Variants in CADM2 observed in about 807,000 individuals in gnomAD.
CADM2 encodes the protein immunoglobulin superfamily member 4D.
CADM2 carries 12 observed loss-of-function variants against 49.8 expected under a neutral mutation model. The observed-to-expected ratio is 0.24, with a 90% CI of 0.15 to 0.39. The LOEUF is 0.39. Ranked by LOEUF, CADM2 falls within the 10% of genes least tolerant of loss-of-function variation. The pLI is 1.00. For synonymous variants in CADM2, 214 were observed against 175.4 expected (o/e 1.22, Z -1.74); for missense variants, 378 against 492.3 (o/e 0.77, Z 2.20).
intron 1 of CADM2, among the ~76,000 whole-genome samples, chr3:85,147,702 A>G (rs1215023521): frequency 2.0e-5 from 3 of 152,122 alleles, no homozygotes; most frequent in Non-Finnish European, 4.4e-5. Flanking sequence ...ATAAAGAATT[A>G]ATATCTATCT....
At chr3:85,287,611 AT>A (rs1395292028) in intron 1 of CADM2, among the ~76,000 whole-genome samples, 2 of 152,060 alleles carry the variant, frequency 1.3e-5, no homozygotes, top group Non-Finnish European at 2.9e-5. Flanking sequence ...CATTATTCTG[AT>A]TGTTTACTAC....
At chr3:84,985,691 T>C (rs961960575) in intron 1 of CADM2, among the ~76,000 whole-genome samples, 1 of 152,188 alleles carries the variant, frequency 6.6e-6, no homozygotes, top group African/African-American at 2.4e-5. Context: ...TTATCCTCAA[T>C]GTCACTAAAA....
intron 8 of CADM2, chr3:86,013,873 C>T (rs533300412): frequency 9.4e-6 from 15 of 1,595,168 alleles, no homozygotes; most frequent in Middle Eastern, 2.3e-4. Flanking sequence ...GTTGTTGCTT[C>T]TAGACTTTTA....
intron 1 of CADM2, among the ~76,000 whole-genome samples, chr3:85,575,375 C>A (rs1238950604): frequency 2.0e-5 from 3 of 152,028 alleles, no homozygotes; most frequent in African/African-American, 4.8e-5. Flanking sequence ...CATGGTGAAA[C>A]CCCATCTCTA....
intron 1 of CADM2, among the ~76,000 whole-genome samples, chr3:85,674,976 G>C (rs1166118022): frequency 6.6e-6 from 1 of 152,094 alleles, no homozygotes; most frequent in East Asian, 1.9e-4. Context: ...GTTTTGCACT[G>C]AGTATAGAAA....
At chr3:85,593,514 C>A (rs1356826941) in intron 1 of CADM2, among the ~76,000 whole-genome samples, 1 of 151,928 alleles carries the variant, frequency 6.6e-6, no homozygotes, top group African/African-American at 2.4e-5. Flanking sequence ...CGTCATAGAG[C>A]ATTTGTTTCC....
intron 2 of CADM2, among the ~76,000 whole-genome samples, chr3:85,779,425 G>A (rs1180987655): frequency 1.3e-5 from 2 of 152,122 alleles, no homozygotes; most frequent in African/African-American, 4.8e-5. Context: ...AAAGGAAAGA[G>A]GTTTAATTGA....
At chr3:85,062,029 GTCTCTCTGTCTC>G (rs1553677320) in intron 1 of CADM2, among the ~76,000 whole-genome samples, 178 of 151,280 alleles carry the variant, frequency 1.2e-3, no homozygotes, top group Middle Eastern at 3.4e-3. Flanking sequence ...CTCTGTCTCT[GTCTCTCTGTCTC>G]TCTCTCTGTC....
intron 7 of CADM2, among the ~76,000 whole-genome samples, chr3:85,958,254 C>T: frequency 6.6e-6 from 1 of 152,016 alleles, no homozygotes. Context: ...GAGGTACCAT[C>T]TCACACCAGT....
At chr3:85,853,428 A>G (rs1188780804) in intron 3 of CADM2, among the ~76,000 whole-genome samples, 1 of 152,092 alleles carries the variant, frequency 6.6e-6, no homozygotes, top group Non-Finnish European at 1.5e-5. Flanking sequence ...ATCCAAAATT[A>G]TAGGCGATTA....
At chr3:85,544,738 G>A (rs2061625985) in intron 1 of CADM2, among the ~76,000 whole-genome samples, 1 of 152,042 alleles carries the variant, frequency 6.6e-6, no homozygotes, top group East Asian at 1.9e-4. Context: ...CCTAGATTGG[G>A]CATAATTGAC....
Position 85,371,959 on chromosome 3 carries a change from A to T in CADM2, c.62-354563A>T, listed in dbSNP as rs2033271084. On this transcript the variant is annotated intron_variant, in intron 1 of 9. Transcript: ENST00000383699. ...GTAGATCTTGTGAAAATGTAAACAT[A>T]TTTGTTCAACTAAGTTTTTTGTTCT... is the stretch of plus-strand genomic sequence containing the variant. 3.3e-5 allele frequency among the ~76,000 whole-genome samples: 5 copies of T among 151,362 alleles called. No homozygotes were observed. The South Asian group carries it at 1.0e-3, about 31-fold the overall frequency.
chr3:85,615,038 T>C (rs561911253), intron 1 of CADM2, among the ~76,000 whole-genome samples: 8 of 152,126 alleles, frequency 5.3e-5, no homozygotes, highest in African/African-American at 1.7e-4. Context: ...CTGTTGCTGG[T>C]AAAATGTAAA....
At chr3:85,798,138 G>A (rs948733907) in intron 2 of CADM2, among the ~76,000 whole-genome samples, 27 of 148,706 alleles carry the variant, frequency 1.8e-4, no homozygotes, top group Admixed American at 9.5e-4. Context: ...TTGTAAATTT[G>A]TTTAAGTTCC....
intron 6 of CADM2, among the ~76,000 whole-genome samples, chr3:85,935,214 G>A (rs770152166): frequency 6.6e-6 from 1 of 152,118 alleles, no homozygotes; most frequent in Non-Finnish European, 1.5e-5. Context: ...GCTATTGGAA[G>A]TGACTCACTA....
At chr3:85,679,330 G>A (rs1305102638) in intron 1 of CADM2, among the ~76,000 whole-genome samples, 1 of 152,098 alleles carries the variant, frequency 6.6e-6, no homozygotes, top group Non-Finnish European at 1.5e-5. Flanking sequence ...CACACATTTG[G>A]AGAGTAGGAT....
chr3:85,503,515 T>C (rs1029120001), intron 1 of CADM2, among the ~76,000 whole-genome samples: 2 of 152,234 alleles, frequency 1.3e-5, no homozygotes, highest in African/African-American at 4.8e-5. Context: ...ATCTAGATCA[T>C]GCTGGATCAT....
chr3:85,606,580 G>A (rs1229653553), intron 1 of CADM2, among the ~76,000 whole-genome samples: 1 of 152,142 alleles, frequency 6.6e-6, no homozygotes, highest in East Asian at 1.9e-4. Context: ...TTGGGGCAAA[G>A]TGCCTTAAAA....
chr3:85,371,677 GTATATA>G lies in CADM2; in HGVS notation c.62-354813_62-354808del, dbSNP rs1167720851. Among the ~76,000 whole-genome samples, 206 of 95,128 alleles carry G rather than the reference GTATATA, an allele frequency of 2.2e-3. 1 individual carries two copies. The highest frequency in any genetic ancestry group is 6.3e-3 in the African/African-American group (143 of 22,522). 62.4% of individuals were successfully genotyped at this position (95,128 alleles called of 152,430 possible). The stretch of plus-strand genomic sequence containing the variant: ...TATATATATATGTGTGTGTGTGTGT[GTATATA>G]TATATATATATATATATATATATAT... On this transcript the variant is annotated intron_variant, in intron 1 of 9. Transcript: ENST00000383699.
Sources: allele counts gnomAD v4.1 joint callset (sites outside exome capture counted in the v4.1 genomes callset), GRCh38; gene constraint gnomAD v4.1.1; transcripts MANE v1.5; gene names NCBI Gene and HGNC (gene_info 2026-07-23, HGNC 2026-07-21).